SETDB1: variants seen among roughly 807,000 people sequenced by gnomAD.
The protein encoded by SETDB1 is SET domain bifurcated histone lysine methyltransferase 1.
A neutral mutation model predicts 137.4 loss-of-function variants in SETDB1; 31 were observed. That is an observed-to-expected ratio of 0.23 (90% CI 0.17 to 0.30). SETDB1 has a LOEUF of 0.30. SETDB1 is among the 10% of genes least tolerant of loss of function. SETDB1 has a pLI of 1.00. For missense variants in SETDB1, 1,113 were observed against 1,631.5 expected, an observed-to-expected ratio of 0.68 and a Z score of 5.47; for synonymous variants, 548 against 579.9, an observed-to-expected ratio of 0.95 and a Z score of 0.79.
chr1:150,931,611 T>TA (rs1217306550), intron 3 of SETDB1, among the ~76,000 whole-genome samples: 50 of 70,496 alleles, frequency 7.1e-4, no homozygotes, highest in Non-Finnish European at 1.1e-3. Context: ...TAAAGTATAA[T>TA]AAAAAAAAAT....
rs760408035 is a variant in SETDB1 at position 150,927,911 on chromosome 1, C to T, written c.197C>T (p.Thr66Ile). 20 of 1,614,034 alleles carry T rather than the reference C, an allele frequency of 1.2e-5. No homozygotes were observed. The highest frequency in any genetic ancestry group is 1.6e-5 in the Non-Finnish European group (19 of 1,180,022). ...QRKKQLAELE[T>I]WVIQKESEVA... ...AAGAAGCAGCTAGCAGAGTTAGAGA[C>T]ATGGGTAATACAGAAAGAATCTGAG... Residue 66 changes from threonine (T) to isoleucine (I), a missense_variant, in exon 2 of 22, where the codon ACA (threonine) becomes ATA (isoleucine). Thr to Ile is a moderately conservative substitution (Grantham distance 89). Transcript: ENST00000692827.
rs760870314 is a variant in SETDB1 at position 150,950,799 on chromosome 1, T to C, written c.1925T>C (p.Ile642Thr). 5 of 1,614,136 alleles carry C rather than the reference T, an allele frequency of 3.1e-6. No homozygotes were observed. In the African/African-American group the frequency reaches 6.7e-5, roughly 22 times the overall value. The change falls in exon 13 of 22, where the codon ATA becomes ACA. Residue 642 changes from isoleucine (I) to threonine (T), a missense_variant. Coordinates refer to ENST00000692827, the MANE Select transcript of SETDB1 (RefSeq NM_001366418.1). ...CTCTGCCTTCGGACAATGCAGGAGA[T>C]AGAACGCTACCTTTTCGAGACTGGC... ...CGLCLRTMQE[I>T]ERYLFETGCD...
intron 7 of SETDB1, 109 bp from the exon 8 acceptor site, chr1:150,943,811 T>C: frequency 7.3e-6 from 5 of 682,414 alleles, no homozygotes; most frequent in Non-Finnish European, 1.3e-5. Context: ...TTCCCTGGAG[T>C]GCATCGTGTT....
chr1:150,937,704 A>G (rs1011148722), intron 3 of SETDB1, among the ~76,000 whole-genome samples: 2 of 152,236 alleles, frequency 1.3e-5, no homozygotes, highest in African/African-American at 4.8e-5. Flanking sequence ...TGGTTCCTCA[A>G]AAGGTTAAAC....
intron 14 of SETDB1, among the ~76,000 whole-genome samples, 180 bp downstream of exon 14, chr1:150,951,661 C>G (rs920838781): frequency 2.0e-5 from 3 of 152,066 alleles, no homozygotes; most frequent in Non-Finnish European, 4.4e-5. Context: ...TTTTCTTGGA[C>G]CTTCCTTGAA....
intron 15 of SETDB1, among the ~76,000 whole-genome samples, chr1:150,960,060 C>T (rs955711401): frequency 4.4e-5 from 6 of 137,912 alleles, no homozygotes; most frequent in African/African-American, 1.3e-4. Flanking sequence ...GTGACAAAAG[C>T]GAAACTCTGT....
chr1:150,939,866 AAGTT>A (rs975144767), intron 3 of SETDB1, 70 bp from the exon 4 acceptor site: 18 of 1,032,790 alleles, frequency 1.7e-5, no homozygotes, highest in Middle Eastern at 2.1e-4. Flanking sequence ...GCTTTTGAGT[AAGTT>A]AGTTCTTAAT....
intron 14 of SETDB1, among the ~76,000 whole-genome samples, chr1:150,957,319 G>A (rs1034064147): frequency 3.9e-5 from 6 of 152,136 alleles, no homozygotes; most frequent in South Asian, 2.1e-4. Flanking sequence ...GCGACAAAGC[G>A]AGACTGTGTC....
At chr1:150,944,841 A>G in intron 8 of SETDB1, 77 bp from the exon 9 acceptor site, 3 of 1,509,058 alleles carry the variant, frequency 2.0e-6, no homozygotes, top group Non-Finnish European at 2.7e-6. Context: ...AAAGTATCAA[A>G]TGTCTCCTGG....
At chr1:150,956,722 C>A (rs1670652659) in intron 14 of SETDB1, among the ~76,000 whole-genome samples, 2 of 152,086 alleles carry the variant, frequency 1.3e-5, no homozygotes, top group East Asian at 1.9e-4. Flanking sequence ...TCCCCCTACC[C>A]ACTAGACCAC....
rs749766618 is a variant in SETDB1 at position 150,943,046 on chromosome 1, A to C, written c.868A>C (p.Lys290Gln). The C allele has an allele frequency of 7.4e-6, 12 of 1,613,128 alleles. No individual in the cohort carries two copies. The highest frequency in any genetic ancestry group is 1.0e-5 in the Non-Finnish European group (12 of 1,179,260). ...IVAETPNVKNKLRFLIFFDDG... is the reference protein window; with the variant it reads ...IVAETPNVKNQLRFLIFFDDG... ...AGCTGAGACACCAAACGTCAAAAAC[A>C]AGCTCAGGTACCTGGACAGAGGACT... is the stretch of plus-strand genomic sequence containing the variant. Residue 290 changes from lysine to glutamine, a missense_variant, in exon 7 of 22, where the codon AAG becomes CAG. Around this residue, in one of 11 missense-constraint regions of SETDB1, gnomAD observed 154 missense variants for 303.1 expected, o/e 0.51. Coordinates refer to ENST00000692827, the MANE Select transcript of SETDB1 (RefSeq NM_001366418.1).
intron 9 of SETDB1, 127 bp from the exon 10 acceptor site, chr1:150,946,759 C>T: frequency 9.0e-7 from 1 of 1,106,978 alleles, no homozygotes; most frequent in Non-Finnish European, 1.3e-6. Context: ...TTAGCTTAGA[C>T]TAAGGAATTT....
chr1:150,945,979 G>A (rs1405606706), intron 9 of SETDB1, among the ~76,000 whole-genome samples: 1 of 151,504 alleles, frequency 6.6e-6, no homozygotes, highest in Non-Finnish European at 1.5e-5. Flanking sequence ...TGGGATTACA[G>A]GCGTGAGCCA....
intron 9 of SETDB1, 33 bp from the exon 10 acceptor site, chr1:150,946,853 A>G (rs1670347921): frequency 1.2e-6 from 2 of 1,613,116 alleles, no homozygotes; most frequent in Non-Finnish European, 1.7e-6. Context: ...CCTTTAAGCT[A>G]TTTCCCTTCA....
chr1:150,944,606 C>T (rs1440949805), intron 8 of SETDB1, among the ~76,000 whole-genome samples: 1 of 152,072 alleles, frequency 6.6e-6, no homozygotes, highest in African/African-American at 2.4e-5. Context: ...TTAAATTTAC[C>T]ACTAGACTGA....
intron 9 of SETDB1, 137 bp from the exon 10 acceptor site, chr1:150,946,749 T>C: frequency 4.1e-6 from 4 of 979,904 alleles, no homozygotes; most frequent in Non-Finnish European, 6.0e-6. Context: ...GCCACTGTGC[T>C]TAGCTTAGAC....
chr1:150,953,849 T>A (rs1277128362), intron 14 of SETDB1, among the ~76,000 whole-genome samples: 1 of 149,782 alleles, frequency 6.7e-6, no homozygotes, highest in African/African-American at 2.4e-5. Flanking sequence ...ATTTAAAAAT[T>A]AAAAAAAAAA....
intron 14 of SETDB1, among the ~76,000 whole-genome samples, chr1:150,952,991 T>A (rs1223712652): frequency 1.3e-5 from 2 of 152,188 alleles, no homozygotes; most frequent in Admixed American, 6.5e-5. Flanking sequence ...TATAAAAATT[T>A]AGGAATCATC....
chr1:150,927,898 G>T lies in SETDB1; in HGVS notation c.184G>T (p.Ala62Ser), dbSNP rs1462344298. ...TGTACAGCAACGCAAGAAGCAGCTA[G>T]CAGAGTTAGAGACATGGGTAATACA... ...DCVQQRKKQL[A>S]ELETWVIQKE... is the part of the protein sequence containing the mutation. The change falls in exon 2 of 22, where the codon GCA becomes TCA. Residue 62 changes from alanine to serine, a missense_variant. By Grantham distance (99) the Ala-to-Ser change is moderately conservative. Transcript: ENST00000692827. 2 of 1,614,224 alleles carry T rather than the reference G, an allele frequency of 1.2e-6. No homozygotes were observed. The highest frequency in any genetic ancestry group is 1.7e-5 in the Admixed American group (1 of 60,022).
Sources: allele counts gnomAD v4.1 joint callset (sites outside exome capture counted in the v4.1 genomes callset), GRCh38; gene constraint gnomAD v4.1.1; regional missense constraint gnomAD v4.1.1; transcripts MANE v1.5; gene names NCBI Gene and HGNC (gene_info 2026-07-23, HGNC 2026-07-21).